CAPZA2: variants seen among roughly 807,000 people sequenced by gnomAD.
CAPZA2 encodes the protein capping actin protein of muscle Z-line subunit alpha 2.
Under a neutral mutation model 44.0 loss-of-function variants are expected in CAPZA2, and 13 were observed. That is an observed-to-expected ratio of 0.30 (90% CI 0.19 to 0.47). The LOEUF (loss-of-function observed/expected upper bound fraction) is 0.47. Among genes scored for constraint, CAPZA2 ranks in the 20% least tolerant of loss-of-function variants. The probability of loss-of-function intolerance (pLI) is 1.00; values close to 1 mark genes in which losing one functional copy is unlikely to be tolerated. For synonymous variants in CAPZA2, 94 were observed against 108.2 expected, an observed-to-expected ratio of 0.87 and a Z score of 0.81; for missense variants, 244 against 338.6, an observed-to-expected ratio of 0.72 and a Z score of 2.19.
At chr7:116,863,468 A>G (rs1796444089) in intron 1 of CAPZA2, among the ~76,000 whole-genome samples, 1 of 152,242 alleles carries the variant, frequency 6.6e-6, no homozygotes, top group Non-Finnish European at 1.5e-5. Flanking sequence ...ACTGTATATT[A>G]GATGCTGTGA....
At chr7:116,888,244 A>G (rs2115919148) in intron 2 of CAPZA2, 54 bp downstream of exon 2, 1 of 1,249,164 alleles carries the variant, frequency 8.0e-7, no homozygotes, top group South Asian at 1.3e-5. Context: ...TCTTTTTAAA[A>G]GAAAACCAAA....
intron 1 of CAPZA2, among the ~76,000 whole-genome samples, chr7:116,886,950 C>T (rs914085684): frequency 1.3e-5 from 2 of 152,204 alleles, no homozygotes; most frequent in Non-Finnish European, 2.9e-5. Flanking sequence ...GCTTTATTCT[C>T]TTAAAATATG....
intron 2 of CAPZA2, among the ~76,000 whole-genome samples, chr7:116,890,524 AAATATATATATATATATATATATAT>A (rs1796820697): frequency 3.7e-4 from 11 of 29,824 alleles, no homozygotes; most frequent in African/African-American, 1.2e-3. Flanking sequence ...AAAAAAAAAA[AAATATATATATATATATATATATAT>A]ATATATATAT....
chr7:116,872,411 G>A (rs573963953), intron 1 of CAPZA2, among the ~76,000 whole-genome samples: 2 of 152,208 alleles, frequency 1.3e-5, no homozygotes, highest in South Asian at 2.1e-4. Context: ...AATCAATGTT[G>A]AGTTCTTTAG....
rs542645428 is a variant in CAPZA2, at chr7:116,867,030, T to C, written c.39+4380T>C. On this transcript the variant is annotated intron_variant, in intron 1 of 9. Transcript: ENST00000361183. ...ATTTCAGATTTATTCTAACTTTTTT[T>C]GGCCCTGTACCTTACAATCAACTGG... 2.0e-3 allele frequency among the ~76,000 whole-genome samples: 303 copies of C among 152,360 alleles called. 2 individuals carry two copies. Among genetic ancestry groups the C allele is most frequent in the African/African-American group, 6.9e-3 (285 of 41,590 alleles).
Position 116,898,833 on chromosome 7 carries a change from C to A in CAPZA2, c.217C>A (p.Gln73Lys). 6.4e-7 allele frequency: 1 copy of A among 1,565,816 alleles called. No homozygotes were observed. The highest frequency in any genetic ancestry group is 8.8e-7 in the Non-Finnish European group (1 of 1,139,338). Residue 73 changes from glutamine to lysine, a missense_variant and splice_region_variant, in exon 4 of 10, where the codon CAG becomes AAG. Gln to Lys is a moderately conservative substitution (Grantham distance 53). Transcript: ENST00000361183. Reference sequence around the variant, plus strand: ...AGTAAAAATTGAAGGTTATGAAGATCAGGTATGTTTCATATAAACACTATT... The same window carrying A: ...AGTAAAAATTGAAGGTTATGAAGATAAGGTATGTTTCATATAAACACTATT... ...TPVKIEGYED[Q>K]VLITEHGDLG...
intron 1 of CAPZA2, among the ~76,000 whole-genome samples, chr7:116,877,389 C>T (rs868860702): frequency 6.6e-6 from 1 of 152,264 alleles, no homozygotes; most frequent in South Asian, 2.1e-4. Context: ...ATGGCCAAAT[C>T]ATGTATATGA....
chr7:116,866,731 A>C (rs553256664), intron 1 of CAPZA2, among the ~76,000 whole-genome samples: 1 of 152,162 alleles, frequency 6.6e-6, no homozygotes, highest in Non-Finnish European at 1.5e-5. Context: ...GATTACAATA[A>C]TCTGTCCCAT....
At chr7:116,917,686 T>A in intron 9 of CAPZA2, 41 bp from the exon 10 acceptor site, 2 of 1,430,462 alleles carry the variant, frequency 1.4e-6, no homozygotes, top group Non-Finnish European at 2.0e-6. Flanking sequence ...ATTGTTCTGT[T>A]CTTTGCTTTA....
intron 1 of CAPZA2, among the ~76,000 whole-genome samples, chr7:116,877,588 A>G (rs1796638846): frequency 4.6e-5 from 7 of 152,178 alleles, no homozygotes; most frequent in Admixed American, 4.6e-4. Flanking sequence ...GCACTTTTCT[A>G]AGTGTATTAT....
At chr7:116,870,551 G>A (rs1200693321) in intron 1 of CAPZA2, among the ~76,000 whole-genome samples, 2 of 152,186 alleles carry the variant, frequency 1.3e-5, no homozygotes, top group African/African-American at 2.4e-5. Context: ...CATGCTGTGC[G>A]TTGTAGGGTG....
intron 2 of CAPZA2, among the ~76,000 whole-genome samples, chr7:116,890,777 C>CAAAAAAAAA (rs576504004): frequency 1.9e-5 from 1 of 53,430 alleles, no homozygotes; most frequent in Non-Finnish European, 3.1e-5. Context: ...GACTCTGTCT[C>CAAAAAAAAA]AAAAAAAAAA....
intron 1 of CAPZA2, among the ~76,000 whole-genome samples, chr7:116,865,638 GTGA>G (rs1796473613): frequency 6.6e-6 from 1 of 152,156 alleles, no homozygotes. Context: ...GAGTGCAGTG[GTGA>G]TCATGGCTCA....
At chr7:116,887,389 G>A (rs1796776015) in intron 1 of CAPZA2, among the ~76,000 whole-genome samples, 1 of 152,040 alleles carries the variant, frequency 6.6e-6, no homozygotes, top group Non-Finnish European at 1.5e-5. Flanking sequence ...TTATCCAGGT[G>A]TGGTGGCACG....
chr7:116,862,672 G>A (rs1796431909), intron 1 of CAPZA2, 22 bp downstream of exon 1: 1 of 1,536,396 alleles, frequency 6.5e-7, no homozygotes, highest in Non-Finnish European at 8.8e-7. Flanking sequence ...GGGGGCGACG[G>A]CGCGGGCTGT....
At chr7:116,864,147 CAT>C (rs1004243852) in intron 1 of CAPZA2, among the ~76,000 whole-genome samples, 12 of 152,168 alleles carry the variant, frequency 7.9e-5, no homozygotes, top group Middle Eastern at 3.4e-3. Context: ...AGTGCACAAA[CAT>C]ATTTAAAATT....
intron 5 of CAPZA2, among the ~76,000 whole-genome samples, chr7:116,905,144 AAAAAAAAAG>A (rs1251990251): frequency 6.6e-6 from 1 of 151,614 alleles, no homozygotes; most frequent in African/African-American, 2.4e-5. Context: ...GTCTCAAAAA[AAAAAAAAAG>A]AAAAGAAAAA....
intron 1 of CAPZA2, among the ~76,000 whole-genome samples, chr7:116,886,281 A>C (rs767662398): frequency 1.1e-4 from 17 of 152,224 alleles, no homozygotes; most frequent in Admixed American, 2.0e-4. Flanking sequence ...AGTTCTATTA[A>C]TTACAAAATG....
intron 1 of CAPZA2, among the ~76,000 whole-genome samples, chr7:116,870,636 G>A (rs1192766749): frequency 6.6e-6 from 1 of 152,124 alleles, no homozygotes; most frequent in African/African-American, 2.4e-5. Flanking sequence ...GTCTCCTGGT[G>A]GACAGATTCA....
Sources: allele counts gnomAD v4.1 joint callset (sites outside exome capture counted in the v4.1 genomes callset), GRCh38; gene constraint gnomAD v4.1.1; transcripts MANE v1.5; gene names NCBI Gene and HGNC (gene_info 2026-07-23, HGNC 2026-07-21).